The following RFX8 variants were observed in gnomAD, a reference collection of about 807,000 sequenced individuals.
The protein encoded by RFX8 is DNA-binding protein RFX8.
In RFX8, 46 loss-of-function variants were observed where a neutral mutation model predicts 54.6. The ratio of observed to expected loss-of-function variants is 0.84; its 90% CI spans 0.67 to 1.08. The LOEUF (loss-of-function observed/expected upper bound fraction) is 1.08, where lower values mean the gene tolerates loss of function less well. Ranked by LOEUF, RFX8 falls within the 50% of genes least tolerant of loss-of-function variation. The probability of loss-of-function intolerance (pLI) is 0.00; values close to 1 mark genes in which losing one functional copy is unlikely to be tolerated. For missense variants in RFX8, 536 were observed against 562.3 expected, an observed-to-expected ratio of 0.95 and a Z score of 0.47; for synonymous variants, 192 against 209.5, an observed-to-expected ratio of 0.92 and a Z score of 0.72.
At chr2:101,417,303 C>T (rs1686581937) in intron 6 of RFX8, among the ~76,000 whole-genome samples, 1 of 152,206 alleles carries the variant, frequency 6.6e-6, no homozygotes, top group African/African-American at 2.4e-5. Flanking sequence ...CTCCTGGGCT[C>T]AAGTGATCTT....
intron 2 of RFX8, among the ~76,000 whole-genome samples, chr2:101,424,377 G>A (rs1236822408): frequency 6.6e-6 from 1 of 152,174 alleles, no homozygotes; most frequent in Non-Finnish European, 1.5e-5. Flanking sequence ...AACAGGTGCT[G>A]GAGAGGATGT....
At chr2:101,457,582 A>G (rs1390565448) in intron 2 of RFX8, among the ~76,000 whole-genome samples, 1 of 152,130 alleles carries the variant, frequency 6.6e-6, no homozygotes, top group African/African-American at 2.4e-5. Flanking sequence ...ACAGTTTGTT[A>G]TGATTTCTGT....
intron 2 of RFX8, among the ~76,000 whole-genome samples, chr2:101,427,136 C>A (rs1427717712): frequency 1.3e-5 from 2 of 152,166 alleles, no homozygotes; most frequent in Non-Finnish European, 2.9e-5. Flanking sequence ...GTGACCCCTT[C>A]CAGGACTAGC....
intron 2 of RFX8, among the ~76,000 whole-genome samples, chr2:101,456,764 T>C (rs1688990006): frequency 1.3e-5 from 2 of 152,204 alleles, no homozygotes; most frequent in Non-Finnish European, 2.9e-5. Flanking sequence ...TTTCTATTGA[T>C]TGGAATAGTT....
At chr2:101,454,160 T>C (rs1262424333) in intron 2 of RFX8, among the ~76,000 whole-genome samples, 5 of 151,984 alleles carry the variant, frequency 3.3e-5, no homozygotes, top group South Asian at 2.1e-4. Context: ...TGGTTTTCTG[T>C]CCTTGTGATA....
intron 1 of RFX8, chr2:101,474,106 G>A: frequency 1.9e-6 from 1 of 523,404 alleles, no homozygotes; most frequent in Non-Finnish European, 3.3e-6. Context: ...ACCCGGCTTT[G>A]ACCCGGCGTC....
intron 2 of RFX8, among the ~76,000 whole-genome samples, chr2:101,441,582 A>G (rs978385749): frequency 1.3e-5 from 2 of 152,126 alleles, no homozygotes; most frequent in Non-Finnish European, 2.9e-5. Context: ...AAATAAATTC[A>G]TTTTCCTCAT....
intron 2 of RFX8, among the ~76,000 whole-genome samples, chr2:101,451,689 CAAAAAA>C (rs11441528): frequency 1.8e-4 from 20 of 111,626 alleles, no homozygotes; most frequent in African/African-American, 6.7e-4. Flanking sequence ...AACTCCGTCT[CAAAAAA>C]AAAAAAAAAA....
intron 2 of RFX8, among the ~76,000 whole-genome samples, chr2:101,464,552 C>T (rs1006603813): frequency 1.1e-4 from 17 of 152,170 alleles, no homozygotes; most frequent in African/African-American, 4.1e-4. Flanking sequence ...ATATCCTTTT[C>T]CCTTCCCCTC....
intron 2 of RFX8, among the ~76,000 whole-genome samples, chr2:101,441,498 G>A (rs1688098760): frequency 6.6e-6 from 1 of 152,224 alleles, no homozygotes; most frequent in South Asian, 2.1e-4. Context: ...TCTGTAGAGG[G>A]TCCCTGTCAG....
At chr2:101,455,014 T>C (rs1278022213) in intron 2 of RFX8, among the ~76,000 whole-genome samples, 2 of 130,046 alleles carry the variant, frequency 1.5e-5, no homozygotes, top group Non-Finnish European at 3.3e-5. Flanking sequence ...TTTCTTTTTC[T>C]TTTTTCTTTT....
intron 2 of RFX8, among the ~76,000 whole-genome samples, chr2:101,434,588 G>A (rs1282690559): frequency 6.6e-6 from 1 of 152,150 alleles, no homozygotes; most frequent in Non-Finnish European, 1.5e-5. Flanking sequence ...GTTGGAGATG[G>A]GCAAGTGAGC....
intron 4 of RFX8, chr2:101,421,435 A>G: frequency 1.8e-6 from 2 of 1,098,176 alleles, no homozygotes; most frequent in African/African-American, 1.6e-5. Flanking sequence ...ACTTTATTCA[A>G]AATGAGCAGA....
rs5832965 is a variant in RFX8, at chr2:101,410,391, T to TCACACA, written c.813+222_813+227dup. 8.1e-3 allele frequency among the ~76,000 whole-genome samples: 967 copies of TCACACA among 119,584 alleles called. 11 individuals are homozygous for TCACACA. Among genetic ancestry groups the TCACACA allele is most frequent in the East Asian group, 0.061 (236 of 3,860 alleles). The allele number at this position is 119,584 out of a possible 152,430, so 78.5% of individuals were successfully genotyped here. On this transcript the variant is annotated intron_variant, in intron 9 of 11. Transcript: ENST00000428343. The stretch of plus-strand genomic sequence containing the variant: ...CACACACCCAAACATATGCCCACAC[T>TCACACA]CACACACACACACACACACACACAC...
chr2:101,410,351 C>G (rs541436594), intron 9 of RFX8, among the ~76,000 whole-genome samples: 1 of 150,604 alleles, frequency 6.6e-6, no homozygotes, highest in Admixed American at 6.7e-5. Flanking sequence ...AGGCTCGCCC[C>G]TCCACACACA....
intron 11 of RFX8, among the ~76,000 whole-genome samples, chr2:101,402,003 C>G (rs1436788486): frequency 6.6e-6 from 1 of 152,120 alleles, no homozygotes; most frequent in African/African-American, 2.4e-5. Context: ...TAAATAGTAA[C>G]TCTAATTTTT....
rs147740985 is a variant in RFX8 at position 101,423,058 on chromosome 2, G to A, written c.73-586C>T. The stretch of plus-strand genomic sequence containing the variant: ...GGATCACTTGAAGTCAGTAGTTCAA[G>A]ACCAGCCTAGCCAACATGGTGAAAC... On this transcript the variant is annotated intron_variant, in intron 2 of 11. Transcript: ENST00000428343. Among the ~76,000 whole-genome samples, 801 of 152,256 alleles carry A rather than the reference G, an allele frequency of 5.3e-3. 7 individuals carry two copies. Among genetic ancestry groups the A allele is most frequent in the African/African-American group, 0.019 (773 of 41,544 alleles).
intron 2 of RFX8, among the ~76,000 whole-genome samples, chr2:101,428,173 A>T (rs1363118336): frequency 1.3e-5 from 2 of 152,116 alleles, no homozygotes; most frequent in African/African-American, 4.8e-5. Flanking sequence ...GGCACCTGTA[A>T]TCCCAACTAC....
chr2:101,474,110 C>T (rs541273424), intron 1 of RFX8: 342 of 527,598 alleles, frequency 6.5e-4, no homozygotes, highest in Non-Finnish European at 8.9e-4. Context: ...GGCTTTGACC[C>T]GGCGTCCCGA....
Sources: gnomAD v4.1 joint callset for allele counts (sites outside exome capture counted in the v4.1 genomes callset) on GRCh38, gnomAD v4.1.1 for gene constraint, MANE v1.5 for transcripts, NCBI Gene and HGNC (gene_info 2026-07-23, HGNC 2026-07-21) for gene names.